HIVEP3: variants seen among roughly 807,000 people sequenced by gnomAD.
HIVEP3 encodes HIVEP zinc finger 3, also known as transcription factor HIVEP3.
Under a neutral mutation model 152.8 loss-of-function variants are expected in HIVEP3, and 49 were observed. That is an observed-to-expected ratio of 0.32 (90% CI 0.26 to 0.41). HIVEP3 has a LOEUF of 0.41. Ranked by LOEUF, HIVEP3 falls within the 10% of genes least tolerant of loss-of-function variation. The pLI, the probability that HIVEP3 is intolerant of heterozygous loss-of-function variation, is 1.00. For missense variants in HIVEP3, 2,790 were observed against 3,103.3 expected (o/e 0.90, Z 2.40); for synonymous variants, 1,269 against 1,289.0 (o/e 0.98, Z 0.33).
chr1:41,809,116 A>G (rs1251636520), intron 1 of HIVEP3, among the ~76,000 whole-genome samples: 2 of 152,136 alleles, frequency 1.3e-5, no homozygotes, highest in Non-Finnish European at 2.9e-5. Flanking sequence ...TAAGTAACAC[A>G]ATTTGGGGTT....
intron 1 of HIVEP3, among the ~76,000 whole-genome samples, chr1:41,775,735 C>T (rs1431023549): frequency 6.6e-6 from 1 of 152,090 alleles, no homozygotes; most frequent in Admixed American, 6.5e-5. Context: ...ATGTGGTCCA[C>T]CTCCCAAAGT....
intron 1 of HIVEP3, among the ~76,000 whole-genome samples, chr1:41,987,911 C>G (rs1645333632): frequency 6.6e-6 from 1 of 152,122 alleles, no homozygotes; most frequent in Non-Finnish European, 1.5e-5. Flanking sequence ...TATCAAACAA[C>G]CAGATCTCAT....
At chr1:41,864,129 A>C (rs1643926115) in intron 1 of HIVEP3, among the ~76,000 whole-genome samples, 1 of 151,898 alleles carries the variant, frequency 6.6e-6, no homozygotes, top group Non-Finnish European at 1.5e-5. Context: ...AAATTCTTCC[A>C]CTGGAGATTC....
intron 1 of HIVEP3, among the ~76,000 whole-genome samples, chr1:41,712,157 G>A (rs902098898): frequency 1.6e-4 from 25 of 152,212 alleles, no homozygotes; most frequent in Middle Eastern, 3.2e-3. Context: ...GCTGTGCTCC[G>A]TGCTCTGCCT....
intron 5 of HIVEP3, among the ~76,000 whole-genome samples, chr1:41,558,826 C>G (rs1644009834): frequency 6.6e-6 from 1 of 152,218 alleles, no homozygotes; most frequent in African/African-American, 2.4e-5. Context: ...GCCAGCTGGT[C>G]ACAAGGCCTA....
chr1:42,005,119 TG>T (rs1645451175), intron 1 of HIVEP3, among the ~76,000 whole-genome samples: 1 of 152,154 alleles, frequency 6.6e-6, no homozygotes, highest in Non-Finnish European at 1.5e-5. Flanking sequence ...ATACAGGGCT[TG>T]GCTTAAATGT....
intron 1 of HIVEP3, among the ~76,000 whole-genome samples, chr1:41,751,606 C>T (rs1384946755): frequency 6.6e-6 from 1 of 152,126 alleles, no homozygotes; most frequent in African/African-American, 2.4e-5. Context: ...GTGCGTTCTT[C>T]AACCTTTCCC....
At chr1:41,925,684 T>C (rs1644964380) in intron 1 of HIVEP3, among the ~76,000 whole-genome samples, 2 of 152,244 alleles carry the variant, frequency 1.3e-5, no homozygotes, top group South Asian at 4.1e-4. Context: ...ACTCCTGTTC[T>C]GGCAGATACT....
intron 1 of HIVEP3, among the ~76,000 whole-genome samples, chr1:41,732,266 C>T (rs1646852186): frequency 6.6e-6 from 1 of 152,204 alleles, no homozygotes; most frequent in Non-Finnish European, 1.5e-5. Flanking sequence ...TATCCCTAGC[C>T]TCCCTGAGAC....
At chr1:41,923,903 T>G (rs1644953751), upstream of HIVEP3, among the ~76,000 whole-genome samples, 1 of 152,144 alleles carries the variant, frequency 6.6e-6, no homozygotes, top group Non-Finnish European at 1.5e-5. Context: ...TCTATGAAGT[T>G]TTTTTTTCTA....
intron 3 of HIVEP3, among the ~76,000 whole-genome samples, chr1:41,599,074 C>T (rs1342564724): frequency 6.6e-6 from 1 of 152,140 alleles, no homozygotes; most frequent in Non-Finnish European, 1.5e-5. Context: ...ACCTTGGCCT[C>T]CCAAAGTGTT....
intron 1 of HIVEP3, among the ~76,000 whole-genome samples, chr1:41,863,420 A>T (rs1643913944): frequency 6.6e-6 from 1 of 152,200 alleles, no homozygotes; most frequent in Non-Finnish European, 1.5e-5. Flanking sequence ...AAGACATCTG[A>T]ACTCCGGCTC....
intron 1 of HIVEP3, among the ~76,000 whole-genome samples, chr1:41,727,237 T>A (rs551145848): frequency 6.6e-6 from 1 of 152,286 alleles, no homozygotes; most frequent in African/African-American, 2.4e-5. Flanking sequence ...ATCTCATAGA[T>A]GAGAAAGAGC....
rs990281158 is a variant in HIVEP3, at chr1:41,888,160, C to T, written c.-801+30253G>A. ...ACGCCATTCTCCTGCCTCAGCCTCTCAAGTAGCTGGGACTACAGGCACCCA... is the reference window on the plus strand; with the variant it reads ...ACGCCATTCTCCTGCCTCAGCCTCTTAAGTAGCTGGGACTACAGGCACCCA... On this transcript the variant is annotated intron_variant, in intron 1 of 8. Transcript: ENST00000372583. Among the ~76,000 whole-genome samples, 16 of 150,070 alleles carry T rather than the reference C, an allele frequency of 1.1e-4. No individual in the cohort carries two copies. The South Asian group carries it at 3.4e-3, about 32-fold the overall frequency.
chr1:41,638,545 T>C (rs894002674), intron 2 of HIVEP3, among the ~76,000 whole-genome samples: 8 of 152,220 alleles, frequency 5.3e-5, no homozygotes. Context: ...GTAAATTATG[T>C]TATGTGTATT....
intron 5 of HIVEP3, among the ~76,000 whole-genome samples, chr1:41,564,061 C>T (rs897824751): frequency 9.2e-5 from 14 of 152,016 alleles, no homozygotes; most frequent in African/African-American, 3.1e-4. Flanking sequence ...GGCATGGTGG[C>T]GGGCTCCTGT....
rs558191474 is a variant in HIVEP3 at position 41,878,858 on chromosome 1, T to TTCCC, written c.-801+39551_-801+39554dup. Among the ~76,000 whole-genome samples, 1,094 of 132,596 alleles carry TTCCC rather than the reference T, an allele frequency of 8.3e-3. 20 individuals are homozygous for TTCCC. Among genetic ancestry groups the TTCCC allele is most frequent in the African/African-American group, 0.029 (1,005 of 34,598 alleles). The allele number at this position is 132,596 out of a possible 152,430, so 87.0% of individuals were successfully genotyped here. On this transcript the variant is annotated intron_variant, in intron 1 of 8. Transcript: ENST00000372583. ...CCTCCCCATCTCCTGCCCTCTCTTC[T>TTCCC]TCCCTCCCTCCCTCCCTCCCCTCCT...
chr1:41,829,699 C>A (rs772632170), intron 1 of HIVEP3, among the ~76,000 whole-genome samples: 88 of 151,662 alleles, frequency 5.8e-4, no homozygotes, highest in Non-Finnish European at 1.0e-3. Flanking sequence ...GAAATATATT[C>A]ATATACATTG....
At position 41,533,470 on chromosome 1, in the gene HIVEP3, T is replaced by A. The variant is rs974190592; in HGVS notation, c.5208-8560A>T. Among the ~76,000 whole-genome samples the A allele has an allele frequency of 1.3e-5, 2 of 152,040 alleles. No homozygotes were observed. Among genetic ancestry groups the A allele is most frequent in the African/African-American group, 4.8e-5 (2 of 41,392 alleles). The stretch of plus-strand genomic sequence containing the variant: ...CCGGGCCAGCTCTGCTGTCCCTCTT[T>A]CCTGCACAGCCCGGATCTGGAGAGG... On this transcript the variant is annotated intron_variant, in intron 5 of 8. Coordinates refer to ENST00000372583, the MANE Select transcript of HIVEP3 (RefSeq NM_024503.5). This position sits in a 1 kb window ranked among gnomAD's most constrained non-coding sequence, Gnocchi z 4.3.
Sources: allele counts gnomAD v4.1 joint callset (sites outside exome capture counted in the v4.1 genomes callset), GRCh38; gene constraint gnomAD v4.1.1; non-coding constraint Gnocchi (gnomAD v3.1); transcripts MANE v1.5; gene names NCBI Gene and HGNC (gene_info 2026-07-23, HGNC 2026-07-21).